The following NUBPL variants were observed in gnomAD, a reference collection of about 807,000 sequenced individuals.
NUBPL encodes NUBP iron-sulfur cluster assembly factor, mitochondrial, also known as iron-sulfur cluster transfer protein NUBPL.
In NUBPL, 31 loss-of-function variants were observed where a neutral mutation model predicts 45.7. That is an observed-to-expected ratio of 0.68 (90% CI 0.51 to 0.92). The LOEUF is 0.92. Among genes scored for constraint, NUBPL ranks in the 40% least tolerant of loss-of-function variants. The pLI is 0.00. For synonymous variants in NUBPL, 144 were observed against 140.9 expected (o/e 1.02, Z -0.15); for missense variants, 401 against 398.7 (o/e 1.01, Z -0.05).
At chr14:31,678,131 T>C (rs2036745187) in intron 6 of NUBPL, among the ~76,000 whole-genome samples, 1 of 152,214 alleles carries the variant, frequency 6.6e-6, no homozygotes, top group Non-Finnish European at 1.5e-5. Flanking sequence ...TGATGTTCAC[T>C]TAAGGCCCCA....
intron 6 of NUBPL, among the ~76,000 whole-genome samples, chr14:31,724,012 G>T (rs898313130): frequency 6.6e-6 from 1 of 152,182 alleles, no homozygotes; most frequent in African/African-American, 2.4e-5. Flanking sequence ...GGGCATCGTT[G>T]TGCCAGTTTT....
chr14:31,725,103 T>C (rs1273059490), intron 6 of NUBPL, among the ~76,000 whole-genome samples: 1 of 152,010 alleles, frequency 6.6e-6, no homozygotes, highest in Non-Finnish European at 1.5e-5. Flanking sequence ...AAAAGGGACA[T>C]GATTTGGTTG....
intron 6 of NUBPL, among the ~76,000 whole-genome samples, chr14:31,676,269 C>T (rs948612318): frequency 3.3e-5 from 5 of 151,862 alleles, no homozygotes; most frequent in Non-Finnish European, 5.9e-5. Context: ...GTGATCTGCC[C>T]GTCTCGGTCT....
At position 31,855,772 on chromosome 14, in the gene NUBPL, A is replaced by G. The variant is rs569325499; in HGVS notation, c.898-3346A>G. The stretch of plus-strand genomic sequence containing the variant: ...AAAGCACTTCATCAAGTCAGGGCAA[A>G]TGGACCACAAACATCTCTTTTTACT... On this transcript the variant is annotated intron_variant, in intron 10 of 10. Coordinates refer to ENST00000281081, the MANE Select transcript of NUBPL (RefSeq NM_025152.3). Among the ~76,000 whole-genome samples, 4 of 152,340 alleles carry G rather than the reference A, an allele frequency of 2.6e-5. No individual in the cohort carries two copies. In the East Asian group the frequency reaches 5.8e-4, roughly 22 times the overall value.
At chr14:31,579,809 G>T (rs2033816013) in intron 3 of NUBPL, among the ~76,000 whole-genome samples, 1 of 152,224 alleles carries the variant, frequency 6.6e-6, no homozygotes, top group South Asian at 2.1e-4. Context: ...AGAGGAGGAA[G>T]ATCTGAGCAG....
chr14:31,834,015 AC>A (rs1391825646), intron 8 of NUBPL, among the ~76,000 whole-genome samples: 1 of 152,124 alleles, frequency 6.6e-6, no homozygotes, highest in Non-Finnish European at 1.5e-5. Context: ...AATGTAGATC[AC>A]TGAACTGATT....
chr14:31,768,808 G>A (rs1438513183), intron 6 of NUBPL, among the ~76,000 whole-genome samples: 1 of 152,150 alleles, frequency 6.6e-6, no homozygotes, highest in Non-Finnish European at 1.5e-5. Context: ...GTTCATCCTG[G>A]TACCAAGCAT....
At chr14:31,679,299 TAG>T (rs1205622441) in intron 6 of NUBPL, among the ~76,000 whole-genome samples, 1 of 152,150 alleles carries the variant, frequency 6.6e-6, no homozygotes, top group East Asian at 1.9e-4. Context: ...TGTATGTGTG[TAG>T]AGAGTTGTTA....
intron 7 of NUBPL, among the ~76,000 whole-genome samples, chr14:31,814,727 AG>A (rs2039881413): frequency 6.6e-6 from 1 of 152,166 alleles, no homozygotes; most frequent in African/African-American, 2.4e-5. Flanking sequence ...GGTGTAAGGT[AG>A]GGGTCCAGTT....
At chr14:31,734,128 T>A (rs1046759291) in intron 6 of NUBPL, among the ~76,000 whole-genome samples, 2 of 152,226 alleles carry the variant, frequency 1.3e-5, no homozygotes, top group African/African-American at 4.8e-5. Flanking sequence ...TATTTTTATA[T>A]TTTGCTAAAA....
chr14:31,689,281 C>A (rs2037038589), intron 6 of NUBPL, among the ~76,000 whole-genome samples: 1 of 152,168 alleles, frequency 6.6e-6, no homozygotes, highest in South Asian at 2.1e-4. Context: ...ACACTCCCAT[C>A]AACAGTGTAT....
At chr14:31,806,521 A>G (rs1428324672) in intron 7 of NUBPL, among the ~76,000 whole-genome samples, 4 of 152,164 alleles carry the variant, frequency 2.6e-5, no homozygotes, top group African/African-American at 9.7e-5. Context: ...AAGCTCCCCA[A>G]GGTGTTTGCT....
intron 3 of NUBPL, among the ~76,000 whole-genome samples, chr14:31,592,552 A>T (rs1215450980): frequency 6.6e-6 from 1 of 152,162 alleles, no homozygotes; most frequent in Non-Finnish European, 1.5e-5. Context: ...TTTAATGCAT[A>T]TGTCCCGTGC....
intron 4 of NUBPL, among the ~76,000 whole-genome samples, chr14:31,665,853 G>C (rs565199376): frequency 1.3e-5 from 2 of 152,202 alleles, no homozygotes; most frequent in Admixed American, 6.5e-5. Context: ...CACTATTACT[G>C]TGGGGGAGTC....
chr14:31,655,021 A>T (rs1010284344), intron 4 of NUBPL, among the ~76,000 whole-genome samples: 1 of 152,172 alleles, frequency 6.6e-6, no homozygotes. Flanking sequence ...TTACCATGAG[A>T]TTGCAGCAAT....
At chr14:31,842,096 A>C (rs1566593802) in intron 8 of NUBPL, among the ~76,000 whole-genome samples, 1 of 150,960 alleles carries the variant, frequency 6.6e-6, no homozygotes, top group Non-Finnish European at 1.5e-5. Context: ...ACGCCCAGCT[A>C]ATTTTTGTAT....
intron 4 of NUBPL, among the ~76,000 whole-genome samples, chr14:31,612,780 A>G (rs1224156897): frequency 1.3e-5 from 2 of 152,268 alleles, no homozygotes; most frequent in Non-Finnish European, 2.9e-5. Flanking sequence ...AATGGCTTAT[A>G]TCCAAAAGGC....
chr14:31,749,138 A>C, intron 6 of NUBPL, among the ~76,000 whole-genome samples: 1 of 152,194 alleles, frequency 6.6e-6, no homozygotes, highest in East Asian at 1.9e-4. Context: ...TTGATGATAC[A>C]TTGAGGACTT....
intron 7 of NUBPL, among the ~76,000 whole-genome samples, chr14:31,790,070 A>G (rs2039351941): frequency 6.6e-6 from 1 of 152,224 alleles, no homozygotes; most frequent in South Asian, 2.1e-4. Flanking sequence ...ATTCATATAG[A>G]TAATACATTA....
Sources: gnomAD v4.1 joint callset for allele counts (sites outside exome capture counted in the v4.1 genomes callset) on GRCh38, gnomAD v4.1.1 for gene constraint, MANE v1.5 for transcripts, NCBI Gene and HGNC (gene_info 2026-07-23, HGNC 2026-07-21) for gene names.